The following CSGALNACT1 variants were observed in gnomAD, a reference collection of about 807,000 sequenced individuals.
CSGALNACT1 encodes the protein chondroitin sulfate N-acetylgalactosaminyltransferase 1, also known as beta4GalNAcT-1.
CSGALNACT1 carries 52 observed loss-of-function variants against 51.0 expected under a neutral mutation model. The observed-to-expected ratio is 1.02, with a 90% CI of 0.82 to 1.29. CSGALNACT1 has a LOEUF of 1.29. Ranked by LOEUF, CSGALNACT1 falls within the 50% of genes most tolerant of loss-of-function variation. The pLI, the probability that CSGALNACT1 is intolerant of heterozygous loss-of-function variation, is 0.00. For synonymous variants in CSGALNACT1, 341 were observed against 254.4 expected (o/e 1.34, Z -3.24); for missense variants, 935 against 679.2 (o/e 1.38, Z -4.19).
At chr8:19,459,382 CAAAAAAAA>C (rs377411028) in intron 4 of CSGALNACT1, among the ~76,000 whole-genome samples, 1 of 69,194 alleles carries the variant, frequency 1.4e-5, no homozygotes, top group South Asian at 4.9e-4. Context: ...AACTTTATCT[CAAAAAAAA>C]AAAAAAAAAA....
rs545775562 is a variant in CSGALNACT1 at position 19,705,407 on chromosome 8, T to A, written c.-297+52443A>T. ...TCAATGACATGTTTTTGAATAATAT[T>A]TAGAAGGAAAAAGCTCATCATTTGA... is the stretch of plus-strand genomic sequence containing the variant. On this transcript the variant is annotated intron_variant, in intron 1 of 1. Coordinates refer to the CSGALNACT1 transcript ENST00000517494. 1.5e-4 allele frequency among the ~76,000 whole-genome samples: 23 copies of A among 152,264 alleles called. No homozygotes were observed. In the East Asian group the frequency reaches 4.2e-3, roughly 28 times the overall value.
At chr8:19,749,646 A>T (rs1246755179) in intron 1 of CSGALNACT1, among the ~76,000 whole-genome samples, 29 of 152,190 alleles carry the variant, frequency 1.9e-4, no homozygotes, top group Non-Finnish European at 5.9e-5. Flanking sequence ...AGGCTAGTCT[A>T]CAGAACTGCA....
intron 3 of CSGALNACT1, among the ~76,000 whole-genome samples, chr8:19,508,632 G>A (rs150080230): frequency 3.9e-5 from 6 of 152,136 alleles, no homozygotes; most frequent in African/African-American, 9.7e-5. Context: ...ACATGTTATC[G>A]TGCTATTCTG....
chr8:19,530,842 A>G (rs560657836), intron 3 of CSGALNACT1, among the ~76,000 whole-genome samples: 6 of 152,234 alleles, frequency 3.9e-5, no homozygotes, highest in Admixed American at 1.3e-4. Context: ...AAAGAGTCAC[A>G]CGAAATGAGC....
intron 3 of CSGALNACT1, among the ~76,000 whole-genome samples, chr8:19,575,473 T>A (rs1320803389): frequency 2.0e-5 from 3 of 152,222 alleles, no homozygotes. Context: ...AGAAACACAT[T>A]AAATAGACAT....
chr8:19,596,574 T>A (rs1362536467), intron 2 of CSGALNACT1, among the ~76,000 whole-genome samples: 1 of 150,384 alleles, frequency 6.6e-6, no homozygotes. Flanking sequence ...TAACTGCAAA[T>A]ATAGGCCACA....
At chr8:19,529,211 A>C (rs2082278983) in intron 3 of CSGALNACT1, among the ~76,000 whole-genome samples, 1 of 152,186 alleles carries the variant, frequency 6.6e-6, no homozygotes, top group Non-Finnish European at 1.5e-5. Context: ...AAGAAGAGTG[A>C]ATTAAAGACA....
chr8:19,656,891 C>G (rs1008128883), intron 1 of CSGALNACT1, among the ~76,000 whole-genome samples: 144 of 151,884 alleles, frequency 9.5e-4, no homozygotes, highest in African/African-American at 3.4e-3. Flanking sequence ...CATGGTGAAA[C>G]CCTGTTTCTA....
chr8:19,539,237 A>G (rs1206599746), intron 3 of CSGALNACT1, among the ~76,000 whole-genome samples: 1 of 152,214 alleles, frequency 6.6e-6, no homozygotes, highest in African/African-American at 2.4e-5. Flanking sequence ...AACTTGCAGT[A>G]CACAATATCA....
chr8:19,719,368 A>C (rs140660830), intron 1 of CSGALNACT1, among the ~76,000 whole-genome samples: 1 of 152,120 alleles, frequency 6.6e-6, no homozygotes, highest in Admixed American at 6.5e-5. Context: ...GGATCTTCTT[A>C]TGCCGATATT....
intron 1 of CSGALNACT1, among the ~76,000 whole-genome samples, chr8:19,689,918 C>T (rs1212130369): frequency 6.6e-6 from 1 of 152,220 alleles, no homozygotes; most frequent in Non-Finnish European, 1.5e-5. Context: ...CCTGCTCAAG[C>T]CACCTTTTAA....
chr8:19,618,633 A>C (rs1159287092), intron 1 of CSGALNACT1, among the ~76,000 whole-genome samples: 9 of 31,852 alleles, frequency 2.8e-4, no homozygotes, highest in Admixed American at 1.4e-3. Context: ...CTCCATCAAA[A>C]AAAAAAAAAA....
intron 4 of CSGALNACT1, among the ~76,000 whole-genome samples, chr8:19,463,514 G>C (rs2066004590): frequency 2.6e-5 from 4 of 152,186 alleles, no homozygotes; most frequent in Non-Finnish European, 5.9e-5. Flanking sequence ...CATGGGGGGA[G>C]GGGTGGTGAG....
exon 10 of CSGALNACT1, chr8:19,405,599 A>G: frequency 2.4e-6 from 2 of 844,110 alleles, no homozygotes; most frequent in Non-Finnish European, 3.9e-6. Flanking sequence ...TTGCAGGCAA[A>G]GCGGAGATTT....
chr8:19,622,041 C>T (rs1300143331), intron 1 of CSGALNACT1, among the ~76,000 whole-genome samples: 1 of 152,136 alleles, frequency 6.6e-6, no homozygotes, highest in Non-Finnish European at 1.5e-5. Flanking sequence ...GTAAATAGTC[C>T]ATTGTGGCCA....
intron 1 of CSGALNACT1, among the ~76,000 whole-genome samples, chr8:19,676,365 G>T (rs1051111670): frequency 6.6e-6 from 1 of 152,060 alleles, no homozygotes; most frequent in African/African-American, 2.4e-5. Context: ...TTCCCAGCAG[G>T]GAAACAGGAA....
intron 4 of CSGALNACT1, among the ~76,000 whole-genome samples, chr8:19,479,493 C>T (rs2070746982): frequency 6.6e-6 from 1 of 152,132 alleles, no homozygotes; most frequent in South Asian, 2.1e-4. Flanking sequence ...TATTATCAAA[C>T]CTGGATACTA....
At chr8:19,710,443 C>T (rs557460116) in intron 1 of CSGALNACT1, among the ~76,000 whole-genome samples, 23 of 152,154 alleles carry the variant, frequency 1.5e-4, no homozygotes, top group South Asian at 4.2e-4. Context: ...CTTGGTGACA[C>T]GAAACACACC....
chr8:19,502,832 T>C lies in CSGALNACT1; in HGVS notation c.634+2369A>G, dbSNP rs558379236. 3.3e-5 allele frequency among the ~76,000 whole-genome samples: 5 copies of C among 152,300 alleles called. No homozygotes were observed. In the South Asian group the frequency reaches 1.0e-3, roughly 32 times the overall value. On this transcript the variant is annotated intron_variant, in intron 4 of 9. Coordinates refer to ENST00000454498, the Ensembl canonical transcript of CSGALNACT1. Reference sequence around the variant, plus strand: ...TGGATCAAAGAATTGTGAACCAGGATTGAAAAGGTCCCCAAATGTAATTCA... The same window carrying C: ...TGGATCAAAGAATTGTGAACCAGGACTGAAAAGGTCCCCAAATGTAATTCA...
Sources: gnomAD v4.1 joint callset for allele counts (sites outside exome capture counted in the v4.1 genomes callset) on GRCh38, gnomAD v4.1.1 for gene constraint, MANE v1.5 for transcripts, NCBI Gene and HGNC (gene_info 2026-07-23, HGNC 2026-07-21) for gene names.